USP47: variants seen among roughly 807,000 people sequenced by gnomAD.
The protein encoded by USP47 is ubiquitin specific peptidase 47.
USP47 carries 35 observed loss-of-function variants against 165.1 expected under a neutral mutation model. The ratio of observed to expected loss-of-function variants is 0.21; its 90% CI spans 0.16 to 0.28. The LOEUF (loss-of-function observed/expected upper bound fraction) is 0.28, where lower values mean the gene tolerates loss of function less well. Ranked by LOEUF, USP47 falls within the 10% of genes least tolerant of loss-of-function variation. USP47 has a pLI of 1.00. For synonymous variants in USP47, 531 were observed against 544.5 expected (o/e 0.98, Z 0.35); for missense variants, 1,277 against 1,607.4 (o/e 0.79, Z 3.52).
chr11:11,918,731 G>A lies in USP47; in HGVS notation c.970-1425G>A, dbSNP rs113948493. Among the ~76,000 whole-genome samples the A allele has an allele frequency of 3.6e-3, 544 of 151,704 alleles. 5 individuals are homozygous for A. Among genetic ancestry groups the A allele is most frequent in the Middle Eastern group, 0.014 (4 of 294 alleles). Reference sequence around the variant, plus strand: ...GATCTCTAGGTATTAACTATAAGCCGGAGACCAATACACACACACCAAAGT... The same window carrying A: ...GATCTCTAGGTATTAACTATAAGCCAGAGACCAATACACACACACCAAAGT... On this transcript the variant is annotated intron_variant, in intron 8 of 27. Coordinates refer to ENST00000527733, the MANE Select transcript of USP47 (RefSeq NM_001282659.2).
chr11:11,923,949 C>G (rs909345773), intron 11 of USP47, among the ~76,000 whole-genome samples: 2 of 152,234 alleles, frequency 1.3e-5, no homozygotes, highest in African/African-American at 2.4e-5. Flanking sequence ...CATACACTTT[C>G]ATTTCATCTG....
chr11:11,875,229 A>C (rs1419758140), intron 1 of USP47, among the ~76,000 whole-genome samples: 5 of 152,220 alleles, frequency 3.3e-5, no homozygotes, highest in African/African-American at 9.6e-5. Context: ...GAAATATTTA[A>C]ATCTTGATAA....
chr11:11,914,577 C>T (rs1416088479), intron 8 of USP47, among the ~76,000 whole-genome samples: 1 of 152,058 alleles, frequency 6.6e-6, no homozygotes, highest in Non-Finnish European at 1.5e-5. Context: ...TCTCTGAAAG[C>T]CCATATGATA....
intron 7 of USP47, among the ~76,000 whole-genome samples, chr11:11,903,890 G>T (rs1462646804): frequency 2.6e-5 from 4 of 152,068 alleles, no homozygotes; most frequent in African/African-American, 7.2e-5. Flanking sequence ...CTCAATACAT[G>T]GGAGGGTTTA....
At chr11:11,904,710 G>A (rs1189456130) in intron 7 of USP47, among the ~76,000 whole-genome samples, 1 of 152,110 alleles carries the variant, frequency 6.6e-6, no homozygotes, top group Non-Finnish European at 1.5e-5. Flanking sequence ...AGTCAGAAAA[G>A]CCCTAGTTAA....
chr11:11,945,036 T>G (rs1015920155), intron 20 of USP47, among the ~76,000 whole-genome samples: 4 of 152,216 alleles, frequency 2.6e-5, no homozygotes, highest in Admixed American at 1.3e-4. Flanking sequence ...CAGGCTAATT[T>G]CCTAGTGTTC....
intron 3 of USP47, among the ~76,000 whole-genome samples, chr11:11,887,336 C>T (rs899796249): frequency 6.6e-6 from 1 of 152,062 alleles, no homozygotes; most frequent in East Asian, 1.9e-4. Context: ...AGAGACCCAT[C>T]TCATGTGCAA....
At chr11:11,878,820 T>C (rs1850647653) in intron 1 of USP47, among the ~76,000 whole-genome samples, 1 of 152,194 alleles carries the variant, frequency 6.6e-6, no homozygotes, top group South Asian at 2.1e-4. Context: ...AAACAAATGA[T>C]AATTGTATTA....
chr11:11,861,546 T>C (rs1849387603), intron 1 of USP47, among the ~76,000 whole-genome samples: 1 of 152,208 alleles, frequency 6.6e-6, no homozygotes, highest in African/African-American at 2.4e-5. Flanking sequence ...TTCCTATTAA[T>C]TGATTGAGTA....
rs2134089815 is a variant in USP47 at position 11,842,087 on chromosome 11, G to A, written c.-99G>A. 1.4e-6 allele frequency: 2 copies of A among 1,437,772 alleles called. No individual in the cohort carries two copies. The highest frequency in any genetic ancestry group is 2.8e-5 in the African/African-American group (2 of 70,330). The allele number at this position is 1,437,772 out of a possible 1,614,324, so 89.1% of individuals were successfully genotyped here. ...CGCTATTGCTGGAGCGCAGGCGGCG[G>A]AGAGGATGACTGCCGCTGCCATTCT... On this transcript the variant is annotated 5_prime_UTR_variant, in exon 1 of 28. Coordinates refer to ENST00000527733, the MANE Select transcript of USP47 (RefSeq NM_001282659.2).
chr11:11,865,585 T>C (rs1849626990), intron 1 of USP47, among the ~76,000 whole-genome samples: 1 of 152,204 alleles, frequency 6.6e-6, no homozygotes, highest in Non-Finnish European at 1.5e-5. Flanking sequence ...ACCACCAGAC[T>C]GTTTTCCACA....
At chr11:11,846,204 A>G (rs995172058) in intron 1 of USP47, among the ~76,000 whole-genome samples, 1 of 152,104 alleles carries the variant, frequency 6.6e-6, no homozygotes, top group African/African-American at 2.4e-5. Context: ...CTCTTTTAAT[A>G]GCATCCCAAT....
intron 1 of USP47, among the ~76,000 whole-genome samples, chr11:11,845,328 C>T (rs908331941): frequency 1.3e-5 from 2 of 152,020 alleles, no homozygotes; most frequent in African/African-American, 4.8e-5. Context: ...TTGTGCTGCC[C>T]CCTCCTTCCT....
At chr11:11,921,813 C>A (rs919172075) in intron 10 of USP47, among the ~76,000 whole-genome samples, 1 of 151,830 alleles carries the variant, frequency 6.6e-6, no homozygotes, top group Admixed American at 6.6e-5. Flanking sequence ...TGTTTTGGCT[C>A]AGCTGAAGAA....
rs577222396 is a variant in USP47, at chr11:11,888,614, A to G, written c.358-3354A>G. ...CCAAACAGATTTACAGCTGAATTCT[A>G]CCAGAGGTACAAAGAAGAGCTGGTA... On this transcript the variant is annotated intron_variant, in intron 3 of 27. Coordinates refer to ENST00000527733, the MANE Select transcript of USP47 (RefSeq NM_001282659.2). Among the ~76,000 whole-genome samples the G allele has an allele frequency of 2.0e-5, 3 of 152,290 alleles. No homozygotes were observed. The East Asian group carries it at 5.8e-4, about 29-fold the overall frequency.
At chr11:11,919,750 G>A (rs970087185) in intron 8 of USP47, among the ~76,000 whole-genome samples, 3 of 151,874 alleles carry the variant, frequency 2.0e-5, no homozygotes, top group African/African-American at 7.2e-5. Context: ...AGAGAACATT[G>A]ATATTTACTG....
intron 3 of USP47, among the ~76,000 whole-genome samples, chr11:11,887,221 CATA>C (rs1414595057): frequency 1.1e-4 from 16 of 152,222 alleles, no homozygotes; most frequent in African/African-American, 3.9e-4. Context: ...CAAATTTGCA[CATA>C]ATATTACTAA....
intron 10 of USP47, among the ~76,000 whole-genome samples, chr11:11,922,166 T>C (rs1853883337): frequency 8.6e-6 from 1 of 116,184 alleles, no homozygotes; most frequent in Non-Finnish European, 2.0e-5. Flanking sequence ...TGAATGTGGT[T>C]TAAAACCATA....
chr11:11,930,796 T>C, intron 14 of USP47, 45 bp downstream of exon 14: 1 of 1,506,984 alleles, frequency 6.6e-7, no homozygotes, highest in Non-Finnish European at 9.0e-7. Context: ...TGTTATAAAC[T>C]AATTTCTTTT....
Sources: allele counts gnomAD v4.1 joint callset (sites outside exome capture counted in the v4.1 genomes callset), GRCh38; gene constraint gnomAD v4.1.1; transcripts MANE v1.5; gene names NCBI Gene and HGNC (gene_info 2026-07-23, HGNC 2026-07-21).